ADGB: variants seen among roughly 807,000 people sequenced by gnomAD.
ADGB encodes the protein calpain-7-like protein.
Under a neutral mutation model 210.5 loss-of-function variants are expected in ADGB, and 172 were observed. That is an observed-to-expected ratio of 0.82 (90% CI 0.72 to 0.93). The LOEUF is 0.93. Among genes scored for constraint, ADGB ranks in the 40% least tolerant of loss-of-function variants. The probability of loss-of-function intolerance (pLI) is 0.00; values close to 1 mark genes in which losing one functional copy is unlikely to be tolerated. For synonymous variants in ADGB, 658 were observed against 662.7 expected (o/e 0.99, Z 0.11); for missense variants, 2,025 against 1,964.8 (o/e 1.03, Z -0.58).
rs1777405066 is a variant in ADGB, at chr6:146,756,284, A to G, written c.3550+3570A>G. ...GTCTATAATACAAATCCTTCCTACC[A>G]TTCTCCCCAGAGCTTTCTGCAAGAT... On this transcript the variant is annotated intron_variant, in intron 27 of 35. Transcript: ENST00000397944. 2.0e-5 allele frequency among the ~76,000 whole-genome samples: 3 copies of G among 152,162 alleles called. No individual in the cohort carries two copies. In the South Asian group the frequency reaches 6.2e-4, roughly 32 times the overall value.
chr6:146,686,185 A>G (rs939204042), intron 10 of ADGB, among the ~76,000 whole-genome samples: 1 of 152,100 alleles, frequency 6.6e-6, no homozygotes, highest in Non-Finnish European at 1.5e-5. Flanking sequence ...TGACCTTCCC[A>G]TAAATAGGCC....
At position 146,635,919 on chromosome 6, in the gene ADGB, G is replaced by C. The variant is rs550721124; in HGVS notation, c.237+382G>C. Among the ~76,000 whole-genome samples, 3 of 152,062 alleles carry C rather than the reference G, an allele frequency of 2.0e-5. No homozygotes were observed. In the East Asian group the frequency reaches 5.8e-4, roughly 29 times the overall value. ...TGGAAGCTGTGACCGGGAGATAATA[G>C]GAAAGATAATTTTTTAAAAGAAATG... On this transcript the variant is annotated intron_variant, in intron 2 of 35. Coordinates refer to ENST00000397944, the MANE Select transcript of ADGB (RefSeq NM_024694.4).
At chr6:146,763,467 A>T (rs1014477894) in intron 27 of ADGB, among the ~76,000 whole-genome samples, 5 of 152,208 alleles carry the variant, frequency 3.3e-5, no homozygotes, top group African/African-American at 1.2e-4. Context: ...TCTTCACCAC[A>T]TTTCCATTTT....
intron 33 of ADGB, among the ~76,000 whole-genome samples, chr6:146,790,714 G>T (rs1047394231): frequency 2.0e-5 from 3 of 152,184 alleles, no homozygotes; most frequent in Admixed American, 2.0e-4. Context: ...CCACAGGCAG[G>T]ATTGCTGGAT....
chr6:146,599,210 G>A, intron 1 of ADGB, 96 bp downstream of exon 1: 2 of 1,197,106 alleles, frequency 1.7e-6, no homozygotes, highest in Non-Finnish European at 1.2e-6. Flanking sequence ...CTGTGCCAGG[G>A]CAGAAGTTTA....
chr6:146,776,642 C>A (rs1344040783), intron 29 of ADGB, among the ~76,000 whole-genome samples: 1 of 152,002 alleles, frequency 6.6e-6, no homozygotes, highest in Non-Finnish European at 1.5e-5. Context: ...ATCAAATACA[C>A]CTAAATGTAT....
chr6:146,755,522 G>A (rs909615024), intron 27 of ADGB, among the ~76,000 whole-genome samples: 1 of 152,034 alleles, frequency 6.6e-6, no homozygotes, highest in East Asian at 1.9e-4. Flanking sequence ...TATGAAAAAG[G>A]ATGTGTTTGC....
Position 146,782,201 on chromosome 6 carries a change from G to C in ADGB, c.4035+9G>C. The C allele has an allele frequency of 6.6e-7, 1 of 1,509,526 alleles. No individual in the cohort carries two copies. The allele number at this position is 1,509,526 out of a possible 1,614,324, so 93.5% of individuals were successfully genotyped here. On this transcript the variant is annotated intron_variant, in intron 30 of 35. Coordinates refer to ENST00000397944, the MANE Select transcript of ADGB (RefSeq NM_024694.4). Reference sequence around the variant, plus strand: ...CTCGCTTTGAGCCTCAGGTGGGTGTGGAATTTTTTTTATTTGAGTGACTTA... The same window carrying C: ...CTCGCTTTGAGCCTCAGGTGGGTGTCGAATTTTTTTTATTTGAGTGACTTA...
At chr6:146,757,465 C>G (rs1325999280) in intron 27 of ADGB, among the ~76,000 whole-genome samples, 1 of 151,804 alleles carries the variant, frequency 6.6e-6, no homozygotes, top group Non-Finnish European at 1.5e-5. Flanking sequence ...TACTCTATCT[C>G]TCTTTTAAAA....
At chr6:146,667,126 C>T (rs77750374) in intron 7 of ADGB, among the ~76,000 whole-genome samples, 1,793 of 151,748 alleles carry the variant, frequency 0.012, 30 homozygotes, top group African/African-American at 0.041. Flanking sequence ...TTGTTGGAAC[C>T]GACTCCTGTA....
intron 30 of ADGB, 65 bp downstream of exon 30, chr6:146,782,257 C>T: frequency 7.3e-7 from 1 of 1,370,042 alleles, no homozygotes; most frequent in South Asian, 1.8e-5. Flanking sequence ...TTCCTATTTG[C>T]CTATCTCGTC....
chr6:146,653,576 T>A (rs754781458), intron 3 of ADGB, among the ~76,000 whole-genome samples: 12 of 152,026 alleles, frequency 7.9e-5, no homozygotes, highest in Non-Finnish European at 1.8e-4. Flanking sequence ...CAACACACAC[T>A]GGAGCCTACT....
chr6:146,698,563 C>T (rs996919707), intron 12 of ADGB, among the ~76,000 whole-genome samples: 11 of 152,038 alleles, frequency 7.2e-5, no homozygotes, highest in Non-Finnish European at 1.5e-4. Context: ...GACAACTGAA[C>T]ATTGAAAAGT....
intron 26 of ADGB, 128 bp downstream of exon 26, chr6:146,746,237 A>C (rs1777235195): frequency 5.8e-6 from 4 of 684,262 alleles, no homozygotes; most frequent in Non-Finnish European, 9.4e-6. Flanking sequence ...TTTTGGAAAC[A>C]ATTAATTGAG....
intron 1 of ADGB, among the ~76,000 whole-genome samples, chr6:146,606,633 C>T (rs1780632100): frequency 6.6e-6 from 1 of 152,164 alleles, no homozygotes; most frequent in African/African-American, 2.4e-5. Context: ...GGCCAGTTAT[C>T]CCAGTACCAT....
At chr6:146,728,357 T>C (rs1275671524) in intron 19 of ADGB, among the ~76,000 whole-genome samples, 1 of 152,182 alleles carries the variant, frequency 6.6e-6, no homozygotes, top group Non-Finnish European at 1.5e-5. Context: ...CAATATGAGA[T>C]GAATATTCCT....
At chr6:146,640,610 T>C (rs1473543219) in intron 2 of ADGB, among the ~76,000 whole-genome samples, 4 of 151,946 alleles carry the variant, frequency 2.6e-5, no homozygotes, top group Non-Finnish European at 5.9e-5. Flanking sequence ...GCTCAACATA[T>C]GCAAATCAAT....
intron 35 of ADGB, among the ~76,000 whole-genome samples, chr6:146,810,979 A>T (rs1778294707): frequency 3.3e-5 from 5 of 152,310 alleles, no homozygotes; most frequent in Admixed American, 2.6e-4. Context: ...CTTCGAACAT[A>T]TACAGTTTAT....
chr6:146,755,078 C>T (rs1211004397), intron 27 of ADGB, among the ~76,000 whole-genome samples: 1 of 151,884 alleles, frequency 6.6e-6, no homozygotes, highest in Non-Finnish European at 1.5e-5. Context: ...TTCATATTTG[C>T]TTTATATTTT....
Sources: allele counts gnomAD v4.1 joint callset (sites outside exome capture counted in the v4.1 genomes callset), GRCh38; gene constraint gnomAD v4.1.1; transcripts MANE v1.5; gene names NCBI Gene and HGNC (gene_info 2026-07-23, HGNC 2026-07-21).